Variants in ZBTB20 observed in about 807,000 individuals in gnomAD.
ZBTB20 encodes the protein zinc finger and BTB domain containing 20, also known as zinc finger and BTB domain-containing protein 20.
A neutral mutation model predicts 56.9 loss-of-function variants in ZBTB20; 9 were observed. The observed-to-expected ratio is 0.16, with a 90% confidence interval of 0.10 to 0.28. ZBTB20 has a LOEUF of 0.28. Among genes scored for constraint, ZBTB20 ranks in the 10% least tolerant of loss-of-function variants. The probability of loss-of-function intolerance (pLI) is 1.00; values close to 1 mark genes in which losing one functional copy is unlikely to be tolerated. For synonymous variants in ZBTB20, 417 were observed against 420.7 expected (o/e 0.99, Z 0.11); for missense variants, 655 against 1,003.0 (o/e 0.65, Z 4.69).
intron 7 of ZBTB20, among the ~76,000 whole-genome samples, chr3:114,470,963 C>G (rs978005818): frequency 6.6e-6 from 1 of 152,134 alleles, no homozygotes. Context: ...GACCTGGTTT[C>G]AAATCTTGTC....
intron 10 of ZBTB20, 148 bp from the exon 11 acceptor site, chr3:114,352,026 G>T: frequency 9.9e-7 from 1 of 1,013,742 alleles, no homozygotes; most frequent in Non-Finnish European, 1.4e-6. Context: ...ACAGGCTGCG[G>T]CATACAAGCT....
intron 6 of ZBTB20, among the ~76,000 whole-genome samples, chr3:114,684,324 T>C (rs1261884116): frequency 6.6e-6 from 1 of 152,158 alleles, no homozygotes; most frequent in Non-Finnish European, 1.5e-5. Context: ...TTTGCCATAA[T>C]GGGGCCTATT....
intron 1 of ZBTB20, among the ~76,000 whole-genome samples, chr3:115,101,770 T>C (rs961314587): frequency 6.6e-6 from 1 of 152,186 alleles, no homozygotes; most frequent in African/African-American, 2.4e-5. Context: ...CCTAAGTATA[T>C]GAATTGTAAA....
intron 2 of ZBTB20, among the ~76,000 whole-genome samples, chr3:115,066,839 C>A: frequency 6.6e-6 from 1 of 152,052 alleles, no homozygotes. Flanking sequence ...CCCCTGTCTT[C>A]TCCCAAATAA....
intron 11 of ZBTB20, among the ~76,000 whole-genome samples, chr3:114,343,313 AT>A (rs909188691): frequency 2.0e-5 from 3 of 152,066 alleles, no homozygotes; most frequent in South Asian, 2.1e-4. Flanking sequence ...TATTCTACTG[AT>A]TTTTTTCCCC....
chr3:114,643,771 A>C (rs1461281236), intron 6 of ZBTB20, among the ~76,000 whole-genome samples: 1 of 152,110 alleles, frequency 6.6e-6, no homozygotes, highest in Non-Finnish European at 1.5e-5. Flanking sequence ...CAACTATTAA[A>C]TTGGCATGAC....
intron 6 of ZBTB20, among the ~76,000 whole-genome samples, chr3:114,663,980 C>T (rs1237848373): frequency 1.3e-4 from 19 of 151,892 alleles, no homozygotes; most frequent in South Asian, 2.1e-4. Flanking sequence ...GACAGATCAA[C>T]GAGACAGGAT....
chr3:115,128,663 CAA>C (rs1400814644), intron 1 of ZBTB20, among the ~76,000 whole-genome samples: 1 of 107,654 alleles, frequency 9.3e-6, no homozygotes, highest in Admixed American at 1.1e-4. Flanking sequence ...GATTCTGACT[CAA>C]AAAAAAAAGA....
chr3:114,425,256 T>G (rs2089546555), intron 7 of ZBTB20, among the ~76,000 whole-genome samples: 1 of 152,184 alleles, frequency 6.6e-6, no homozygotes, highest in Non-Finnish European at 1.5e-5. Context: ...CTCTACAAAT[T>G]TAGCTGTTCT....
chr3:114,880,675 T>C (rs2076365336), intron 4 of ZBTB20, among the ~76,000 whole-genome samples: 2 of 152,120 alleles, frequency 1.3e-5, no homozygotes, highest in Admixed American at 6.5e-5. Context: ...GCAACTTACA[T>C]GTCCAAAAAT....
intron 4 of ZBTB20, among the ~76,000 whole-genome samples, chr3:114,889,380 C>T (rs2076722948): frequency 6.6e-6 from 1 of 151,774 alleles, no homozygotes; most frequent in Non-Finnish European, 1.5e-5. Context: ...TAATTAGTCA[C>T]CAAATATTCT....
intron 6 of ZBTB20, among the ~76,000 whole-genome samples, chr3:114,514,182 A>G (rs1183829308): frequency 6.6e-6 from 1 of 152,060 alleles, no homozygotes; most frequent in Non-Finnish European, 1.5e-5. Flanking sequence ...AAAATTTAAC[A>G]AAGGATTTAT....
chr3:115,076,663 G>A (rs559708987), intron 1 of ZBTB20, among the ~76,000 whole-genome samples: 67 of 152,168 alleles, frequency 4.4e-4, no homozygotes, highest in African/African-American at 1.5e-3. Flanking sequence ...AACATCAAAA[G>A]TACAGGCAAC....
intron 2 of ZBTB20, among the ~76,000 whole-genome samples, chr3:115,026,495 C>T (rs968327642): frequency 2.0e-5 from 3 of 150,916 alleles, no homozygotes; most frequent in Non-Finnish European, 4.5e-5. Context: ...GACAATCAGA[C>T]GGACTCAAAG....
intron 11 of ZBTB20, among the ~76,000 whole-genome samples, chr3:114,346,522 C>T (rs903593734): frequency 6.6e-6 from 1 of 152,140 alleles, no homozygotes; most frequent in Admixed American, 6.5e-5. Flanking sequence ...GGATCCAAAT[C>T]ATCTAATTAC....
intron 2 of ZBTB20, among the ~76,000 whole-genome samples, chr3:115,007,635 C>T (rs35891127): frequency 0.015 from 2,264 of 151,838 alleles, 19 homozygotes; most frequent in Non-Finnish European, 0.02. Context: ...GAAAGAAAAT[C>T]CTTTTTTGAA....
At chr3:114,710,041 G>A (rs1267691877) in intron 5 of ZBTB20, among the ~76,000 whole-genome samples, 1 of 152,058 alleles carries the variant, frequency 6.6e-6, no homozygotes, top group African/African-American at 2.4e-5. Context: ...TTAAACTACA[G>A]AATCTGTGTC....
At chr3:114,908,667 T>A (rs2075408938) in intron 3 of ZBTB20, among the ~76,000 whole-genome samples, 1 of 151,970 alleles carries the variant, frequency 6.6e-6, no homozygotes, top group Non-Finnish European at 1.5e-5. Context: ...AAATGAAATG[T>A]ACGCATTAAG....
At chr3:114,990,570 T>G (rs555928639) in intron 2 of ZBTB20, among the ~76,000 whole-genome samples, 1 of 152,294 alleles carries the variant, frequency 6.6e-6, no homozygotes, top group African/African-American at 2.4e-5. Flanking sequence ...AATTCTCTTT[T>G]TTTGTGGTGT....
Sources: gnomAD v4.1 joint callset for allele counts (sites outside exome capture counted in the v4.1 genomes callset) on GRCh38, gnomAD v4.1.1 for gene constraint, MANE v1.5 for transcripts, NCBI Gene and HGNC (gene_info 2026-07-23, HGNC 2026-07-21) for gene names.